Variants in SKAP1 observed in about 807,000 individuals in gnomAD.
The protein encoded by SKAP1 is src kinase associated phosphoprotein 1.
A neutral mutation model predicts 58.5 loss-of-function variants in SKAP1; 44 were observed. The ratio of observed to expected loss-of-function variants is 0.75; its 90% CI spans 0.59 to 0.97. The LOEUF (loss-of-function observed/expected upper bound fraction) is 0.97. Ranked by LOEUF, SKAP1 falls within the 50% of genes least tolerant of loss-of-function variation. SKAP1 has a pLI of 0.00. For synonymous variants in SKAP1, 127 were observed against 149.7 expected (o/e 0.85, Z 1.11); for missense variants, 390 against 435.2 (o/e 0.90, Z 0.92).
At chr17:48,339,212 T>A (rs1194160114) in intron 4 of SKAP1, among the ~76,000 whole-genome samples, 2 of 152,232 alleles carry the variant, frequency 1.3e-5, no homozygotes, top group Admixed American at 6.5e-5. Flanking sequence ...GTCATGTGCC[T>A]TTATTAAAGA....
At chr17:48,372,775 G>A (rs953637367) in intron 2 of SKAP1, among the ~76,000 whole-genome samples, 10 of 152,080 alleles carry the variant, frequency 6.6e-5, no homozygotes, top group Non-Finnish European at 1.2e-4. Flanking sequence ...GAAGTAGCTG[G>A]GACTATAGGT....
At chr17:48,205,015 T>TTC (rs751542564) in intron 4 of SKAP1, among the ~76,000 whole-genome samples, 18,258 of 53,334 alleles carry the variant, frequency 0.34, 1,934 homozygotes, top group East Asian at 0.41. Flanking sequence ...CTTTCTTTCT[T>TTC]TTTCTTTCTT....
chr17:48,321,534 C>T (rs919445739), intron 4 of SKAP1, among the ~76,000 whole-genome samples: 6 of 151,918 alleles, frequency 3.9e-5, no homozygotes, highest in Non-Finnish European at 7.4e-5. Context: ...CCTGCCGCCA[C>T]GCCCGGCTAA....
chr17:48,233,727 G>A (rs987192546), intron 4 of SKAP1, among the ~76,000 whole-genome samples: 7 of 151,892 alleles, frequency 4.6e-5, no homozygotes, highest in Non-Finnish European at 8.8e-5. Context: ...ATAGTGGCTC[G>A]CACCTGTAAT....
intron 4 of SKAP1, among the ~76,000 whole-genome samples, chr17:48,238,925 T>C (rs2065212717): frequency 6.6e-6 from 1 of 152,192 alleles, no homozygotes; most frequent in Non-Finnish European, 1.5e-5. Flanking sequence ...TAAAGTACTT[T>C]TTGAGATCTT....
rs2065435176 is a variant in SKAP1 at position 48,257,399 on chromosome 17, C to T, written c.281-67899G>A. Among the ~76,000 whole-genome samples the T allele has an allele frequency of 2.0e-5, 3 of 152,092 alleles. No individual in the cohort carries two copies. In the South Asian group the frequency reaches 6.2e-4, roughly 32 times the overall value. On this transcript the variant is annotated intron_variant, in intron 4 of 12. Transcript: ENST00000336915. ...ACAAACACAAATCTTACATGTGGAGCTATGTGTGAAGGTATTATAATTATA... is the reference window on the plus strand; with the variant it reads ...ACAAACACAAATCTTACATGTGGAGTTATGTGTGAAGGTATTATAATTATA...
At chr17:48,200,643 G>T (rs1205980959) in intron 4 of SKAP1, among the ~76,000 whole-genome samples, 1 of 152,116 alleles carries the variant, frequency 6.6e-6, no homozygotes, top group Non-Finnish European at 1.5e-5. Context: ...CTCCCAAAGT[G>T]CTGAGATTAC....
At chr17:48,331,073 A>T (rs995176447) in intron 4 of SKAP1, among the ~76,000 whole-genome samples, 1 of 152,144 alleles carries the variant, frequency 6.6e-6, no homozygotes, top group Non-Finnish European at 1.5e-5. Flanking sequence ...CCCTAGAACA[A>T]AGAGCAGTGG....
At chr17:48,258,104 G>C (rs1363111268) in intron 4 of SKAP1, among the ~76,000 whole-genome samples, 2 of 152,006 alleles carry the variant, frequency 1.3e-5, no homozygotes, top group Admixed American at 1.3e-4. Context: ...AGGATTCGAG[G>C]CCAGTTAAAG....
chr17:48,170,581 G>A (rs1224830556), intron 10 of SKAP1, 28 bp downstream of exon 10: 1 of 1,599,044 alleles, frequency 6.3e-7, no homozygotes, highest in East Asian at 2.2e-5. Context: ...GTCCTACCCA[G>A]TGCCTGTGCA....
chr17:48,361,064 T>TTGTAC (rs1209984300), intron 3 of SKAP1, among the ~76,000 whole-genome samples: 4 of 128,710 alleles, frequency 3.1e-5, no homozygotes, highest in South Asian at 2.6e-4. Flanking sequence ...GTTGCACAAC[T>TTGTAC]TGTACTGTAC....
chr17:48,372,965 C>T (rs1358556565), intron 2 of SKAP1, among the ~76,000 whole-genome samples: 1 of 152,152 alleles, frequency 6.6e-6, no homozygotes, highest in African/African-American at 2.4e-5. Context: ...TACTATTATC[C>T]TCATTTTACA....
At chr17:48,304,009 TG>T (rs2144142265) in intron 4 of SKAP1, among the ~76,000 whole-genome samples, 1 of 152,286 alleles carries the variant, frequency 6.6e-6, no homozygotes, top group East Asian at 1.9e-4. Flanking sequence ...GAAGTAAACT[TG>T]GGAATGGCTG....
intron 1 of SKAP1, among the ~76,000 whole-genome samples, chr17:48,398,339 C>T (rs2067447756): frequency 1.3e-5 from 2 of 151,338 alleles, no homozygotes; most frequent in African/African-American, 2.4e-5. Flanking sequence ...AGAATTAATG[C>T]CTGACGATCT....
chr17:48,224,854 T>C (rs2065048630), intron 4 of SKAP1, among the ~76,000 whole-genome samples: 1 of 152,184 alleles, frequency 6.6e-6, no homozygotes, highest in Admixed American at 6.5e-5. Flanking sequence ...TGCATACATA[T>C]AATGTGGCCA....
intron 4 of SKAP1, among the ~76,000 whole-genome samples, chr17:48,218,481 T>C (rs1224610149): frequency 1.3e-5 from 2 of 152,174 alleles, no homozygotes; most frequent in East Asian, 3.8e-4. Flanking sequence ...ATAAACACTA[T>C]GGAAAAGGAG....
intron 4 of SKAP1, among the ~76,000 whole-genome samples, chr17:48,306,235 T>C (rs2066140301): frequency 6.6e-6 from 1 of 152,216 alleles, no homozygotes; most frequent in Non-Finnish European, 1.5e-5. Flanking sequence ...CAAAGATACT[T>C]GTTATTCCCA....
intron 4 of SKAP1, among the ~76,000 whole-genome samples, chr17:48,211,984 C>G (rs1443122062): frequency 1.3e-5 from 2 of 150,524 alleles, no homozygotes; most frequent in African/African-American, 4.9e-5. Flanking sequence ...GAAGTTAAAT[C>G]ACGTGGTCAA....
intron 4 of SKAP1, among the ~76,000 whole-genome samples, chr17:48,267,946 C>T (rs2065574968): frequency 6.6e-6 from 1 of 152,106 alleles, no homozygotes; most frequent in South Asian, 2.1e-4. Context: ...TTGTATTATG[C>T]CCATTTTACA....
Sources: gnomAD v4.1 joint callset for allele counts (sites outside exome capture counted in the v4.1 genomes callset) on GRCh38, gnomAD v4.1.1 for gene constraint, MANE v1.5 for transcripts, NCBI Gene and HGNC (gene_info 2026-07-23, HGNC 2026-07-21) for gene names.